Variants in MIPOL1 observed in about 807,000 individuals in gnomAD.
MIPOL1 encodes the protein mirror-image polydactyly 1, also known as mirror-image polydactyly gene 1 protein.
Under a neutral mutation model 60.9 loss-of-function variants are expected in MIPOL1, and 57 were observed. The observed-to-expected ratio is 0.94, with a 90% CI of 0.76 to 1.17. The LOEUF is 1.17. Among genes scored for constraint, MIPOL1 ranks in the 50% most tolerant of loss-of-function variants. MIPOL1 has a pLI of 0.00. For synonymous variants in MIPOL1, 179 were observed against 168.8 expected (o/e 1.06, Z -0.47); for missense variants, 551 against 511.6 (o/e 1.08, Z -0.74).
chr14:37,442,699 G>A (rs1168411502), intron 11 of MIPOL1, among the ~76,000 whole-genome samples: 7 of 149,838 alleles, frequency 4.7e-5, no homozygotes, highest in African/African-American at 1.7e-4. Flanking sequence ...GTTACTGAAG[G>A]TACCATAAAA....
intron 9 of MIPOL1, among the ~76,000 whole-genome samples, chr14:37,347,033 T>C (rs1189692935): frequency 6.6e-6 from 1 of 152,112 alleles, no homozygotes; most frequent in African/African-American, 2.4e-5. Flanking sequence ...AATAAAACTT[T>C]AGGTCGTCCA....
intron 12 of MIPOL1, chr14:37,545,635 T>A (rs2095544578): frequency 4.7e-6 from 3 of 642,738 alleles, no homozygotes; most frequent in Non-Finnish European, 8.4e-6. Flanking sequence ...CTGAATAATT[T>A]TGTTTTATTT....
chr14:37,284,683 A>G lies in MIPOL1; in HGVS notation c.494-635A>G, dbSNP rs189839145. Among the ~76,000 whole-genome samples, 247 of 152,278 alleles carry G rather than the reference A, an allele frequency of 1.6e-3. 1 individual carries two copies. Among genetic ancestry groups the G allele is most frequent in the African/African-American group, 5.6e-3 (233 of 41,550 alleles). Reference sequence around the variant, plus strand: ...TTTTACTAATTGTGTCTATTCATAAATAGTTGGTAGAGTTGCTTTACTTTG... The same window carrying G: ...TTTTACTAATTGTGTCTATTCATAAGTAGTTGGTAGAGTTGCTTTACTTTG... On this transcript the variant is annotated intron_variant, in intron 6 of 12. Coordinates refer to ENST00000684589, the MANE Select transcript of MIPOL1 (RefSeq NM_001388067.1).
At chr14:37,265,794 C>T (rs923241106) in intron 3 of MIPOL1, among the ~76,000 whole-genome samples, 44 of 152,100 alleles carry the variant, frequency 2.9e-4, no homozygotes, top group Admixed American at 2.6e-3. Flanking sequence ...ACTGCAAGAT[C>T]CTGACCTAAA....
Position 37,499,994 on chromosome 14 carries a change from G to A in MIPOL1, c.1118G>A (p.Arg373Lys), listed in dbSNP as rs748570006. 1 of 1,612,732 alleles carries A rather than the reference G, an allele frequency of 6.2e-7. No individual in the cohort carries two copies. The highest frequency in any genetic ancestry group is 1.3e-5 in the African/African-American group (1 of 75,004). The change falls in exon 12 of 13, where the codon AGA becomes AAA. Residue 373 changes from arginine to lysine, a missense_variant. By Grantham distance (26) the Arg-to-Lys change is conservative. Coordinates refer to ENST00000684589, the MANE Select transcript of MIPOL1 (RefSeq NM_001388067.1). ...LSTYEEALKN[R>K]ENIVSITQQQ... ...ACATATGAAGAAGCTTTAAAAAACA[G>A]AGAGAACATTGTTTCCATCACTCAA... is the stretch of plus-strand genomic sequence containing the variant.
chr14:37,399,654 T>C (rs996142685), intron 10 of MIPOL1: 8 of 152,296 alleles, frequency 5.3e-5, no homozygotes, highest in Non-Finnish European at 8.8e-5. Context: ...ATATTTACCA[T>C]GCACTTAAGT....
chr14:37,544,829 GAT>G (rs1171439667), intron 12 of MIPOL1, among the ~76,000 whole-genome samples: 1 of 152,182 alleles, frequency 6.6e-6, no homozygotes, highest in Non-Finnish European at 1.5e-5. Context: ...TGCAAAACAT[GAT>G]ATTTAACTAT....
At chr14:37,265,985 C>T (rs1468623971) in intron 3 of MIPOL1, among the ~76,000 whole-genome samples, 2 of 152,076 alleles carry the variant, frequency 1.3e-5, no homozygotes, top group East Asian at 1.9e-4. Context: ...AAATATTAAA[C>T]ATTTATAATT....
At chr14:37,340,872 A>G (rs993495644) in intron 9 of MIPOL1, among the ~76,000 whole-genome samples, 1 of 152,154 alleles carries the variant, frequency 6.6e-6, no homozygotes, top group Non-Finnish European at 1.5e-5. Context: ...TTCCAGTGCT[A>G]TAAGCTCCAT....
rs542049736 is a variant in MIPOL1 at position 37,357,571 on chromosome 14, A to G, written c.829-11946A>G. Reference sequence around the variant, plus strand: ...GTATGTCATCTTTTGAGAAATGTCTATTCAATTATTTGGTCTTTTTAAAAA... The same window carrying G: ...GTATGTCATCTTTTGAGAAATGTCTGTTCAATTATTTGGTCTTTTTAAAAA... On this transcript the variant is annotated intron_variant, in intron 9 of 12. Coordinates refer to ENST00000684589, the MANE Select transcript of MIPOL1 (RefSeq NM_001388067.1). 8.5e-4 allele frequency among the ~76,000 whole-genome samples: 129 copies of G among 152,192 alleles called. 1 individual carries two copies. The highest frequency in any genetic ancestry group is 2.9e-3 in the African/African-American group (119 of 41,518).
At chr14:37,255,297 C>A (rs986666631) in intron 3 of MIPOL1, among the ~76,000 whole-genome samples, 2 of 151,668 alleles carry the variant, frequency 1.3e-5, no homozygotes, top group African/African-American at 4.8e-5. Flanking sequence ...ATTTAGGAGA[C>A]CTGGATCAAT....
In MIPOL1 at chr14:37,369,399, CA is replaced by C. The variant is rs35277854; in HGVS notation, c.829-108del. 306 of 373,106 alleles carry C rather than the reference CA, an allele frequency of 8.2e-4. 2 individuals are homozygous for C. The highest frequency in any genetic ancestry group is 4.4e-3 in the African/African-American group (207 of 47,452). 23.1% of individuals were successfully genotyped at this position (373,106 alleles called of 1,614,324 possible). A position where few individuals can be genotyped will look rare whatever the true frequency, so the allele number is the denominator to read the frequency against. On this transcript the variant is annotated intron_variant, in intron 9 of 12. Transcript: ENST00000684589. The stretch of plus-strand genomic sequence containing the variant: ...TTACTTTTACTTACCATTCTTGTTG[CA>C]AAAAAAAAACCTTGTCTTTTAGAGA...
At position 37,498,495 on chromosome 14, in the gene MIPOL1, G is replaced by A. The variant is rs1049608266; in HGVS notation, c.1032-1413G>A. On this transcript the variant is annotated intron_variant, in intron 11 of 12. Coordinates refer to ENST00000684589, the MANE Select transcript of MIPOL1 (RefSeq NM_001388067.1). ...CTTGGAACAGACAAGAATGCAGAAA[G>A]TGAGAGGACACAGAAAAAATAGTAA... is the stretch of plus-strand genomic sequence containing the variant. Among the ~76,000 whole-genome samples the A allele has an allele frequency of 4.6e-5, 7 of 152,122 alleles. No homozygotes were observed. In the East Asian group the frequency reaches 7.7e-4, roughly 17 times the overall value.
chr14:37,517,329 A>G (rs2095377602), intron 12 of MIPOL1, among the ~76,000 whole-genome samples: 4 of 152,234 alleles, frequency 2.6e-5, no homozygotes, highest in Non-Finnish European at 4.4e-5. Flanking sequence ...GAAAGGGAGA[A>G]AAATTATATT....
intron 3 of MIPOL1, among the ~76,000 whole-genome samples, chr14:37,252,782 A>G (rs112506857): frequency 1.3e-5 from 2 of 152,096 alleles, no homozygotes; most frequent in Non-Finnish European, 2.9e-5. Flanking sequence ...AAGTGTAGAC[A>G]CTGAAGAACC....
intron 11 of MIPOL1, among the ~76,000 whole-genome samples, chr14:37,480,787 GGATCATAAACCCTGAA>G (rs1257564801): frequency 2.6e-5 from 4 of 151,980 alleles, no homozygotes; most frequent in African/African-American, 7.2e-5. Context: ...GCTGAGAACA[GGATCATAAACCCTGAA>G]GACTCCACAA....
intron 11 of MIPOL1, among the ~76,000 whole-genome samples, chr14:37,495,897 C>A (rs1425765933): frequency 6.7e-6 from 1 of 149,064 alleles, no homozygotes; most frequent in African/African-American, 2.5e-5. Context: ...AGCATTTTTT[C>A]ATGTGTTTTT....
chr14:37,261,333 A>AT lies in MIPOL1; in HGVS notation c.20-5599dup, dbSNP rs564407636. Among the ~76,000 whole-genome samples the AT allele has an allele frequency of 4.3e-4, 66 of 152,068 alleles. No homozygotes were observed. In the East Asian group the frequency reaches 8.1e-3, roughly 19 times the overall value. The stretch of plus-strand genomic sequence containing the variant: ...TTAGATACATTAGTATTTCTGAGAG[A>AT]TTTTTTCCCCATAGTTGCTAACATT... On this transcript the variant is annotated intron_variant, in intron 3 of 12. Coordinates refer to ENST00000684589, the MANE Select transcript of MIPOL1 (RefSeq NM_001388067.1).
chr14:37,362,260 T>G (rs976454529), intron 9 of MIPOL1, among the ~76,000 whole-genome samples: 1 of 152,204 alleles, frequency 6.6e-6, no homozygotes, highest in East Asian at 1.9e-4. Flanking sequence ...GTTGTTCCTT[T>G]CTATATTTAG....
Sources: gnomAD v4.1 joint callset for allele counts (sites outside exome capture counted in the v4.1 genomes callset) on GRCh38, gnomAD v4.1.1 for gene constraint, MANE v1.5 for transcripts, NCBI Gene and HGNC (gene_info 2026-07-23, HGNC 2026-07-21) for gene names.